TBC1D9: variants seen among roughly 807,000 people sequenced by gnomAD.
The protein encoded by TBC1D9 is TBC1 domain family member 9A.
TBC1D9 carries 63 observed loss-of-function variants against 132.0 expected under a neutral mutation model. The observed-to-expected ratio is 0.48, with a 90% CI of 0.39 to 0.59. TBC1D9 has a LOEUF of 0.59. Ranked by LOEUF, TBC1D9 falls within the 20% of genes least tolerant of loss-of-function variation. The probability of loss-of-function intolerance (pLI) is 0.00; values close to 1 mark genes in which losing one functional copy is unlikely to be tolerated. For synonymous variants in TBC1D9, 610 were observed against 609.9 expected (o/e 1.00, Z 0.00); for missense variants, 1,261 against 1,592.7 (o/e 0.79, Z 3.54).
intron 1 of TBC1D9, among the ~76,000 whole-genome samples, chr4:140,737,849 T>C (rs1373969478): frequency 1.3e-5 from 2 of 152,196 alleles, no homozygotes; most frequent in Non-Finnish European, 2.9e-5. Flanking sequence ...CACAATCTAA[T>C]TTAAGAAGCT....
Position 140,669,065 on chromosome 4 carries a change from G to T in TBC1D9, c.1440C>A (p.Ala480=). The T allele has an allele frequency of 6.2e-7, 1 of 1,613,850 alleles. No individual in the cohort carries two copies. Among genetic ancestry groups the T allele is most frequent in the Non-Finnish European group, 8.5e-7 (1 of 1,179,792 alleles). The change falls in exon 9 of 21, where the codon GCC becomes GCA. Residue 480 remains alanine, a splice_region_variant and synonymous_variant. Coordinates refer to ENST00000442267, the MANE Select transcript of TBC1D9 (RefSeq NM_015130.3). ...AGGCTTGCTCTTTCAGAAACTCTTT[G>T]GCCTGAAAGGGATAATGAAACATTA... is the stretch of plus-strand genomic sequence containing the variant. ...RSPEEFNPKL[A]KEFLKEQAWK... is the part of the protein sequence containing the mutation.
chr4:140,677,804 C>T (rs1737648401), intron 5 of TBC1D9, among the ~76,000 whole-genome samples: 1 of 152,152 alleles, frequency 6.6e-6, no homozygotes, highest in Non-Finnish European at 1.5e-5. Context: ...CCTCCATCCT[C>T]ACCTACTCTT....
chr4:140,700,172 A>T (rs1046316546), intron 2 of TBC1D9, among the ~76,000 whole-genome samples: 2 of 152,028 alleles, frequency 1.3e-5, no homozygotes, highest in African/African-American at 4.8e-5. Context: ...ATAAAAGTCC[A>T]GGCGCAGTGG....
Position 140,696,455 on chromosome 4 carries a change from CAAAAAAAAAAAAAAAAAA to C in TBC1D9, c.241+5031_241+5048del, listed in dbSNP as rs35713619. Among the ~76,000 whole-genome samples, 4 of 61,594 alleles carry C rather than the reference CAAAAAAAAAAAAAAAAAA, an allele frequency of 6.5e-5. No homozygotes were observed. In the South Asian group the frequency reaches 4.5e-3, roughly 69 times the overall value. 40.4% of individuals were successfully genotyped at this position (61,594 alleles called of 152,430 possible). A position where few individuals can be genotyped will look rare whatever the true frequency, so the allele number is the denominator to read the frequency against. On this transcript the variant is annotated intron_variant, in intron 2 of 20. Coordinates refer to ENST00000442267, the MANE Select transcript of TBC1D9 (RefSeq NM_015130.3). ...CTGGAGACAGAGCAAGAGTCCGTCT[CAAAAAAAAAAAAAAAAAA>C]AAAAAAAAGATAAAAAGAGGCATAT...
chr4:140,628,351 C>T lies in TBC1D9; in HGVS notation c.2761G>A (p.Gly921Arg). ...FVSGLSAACHGDLTEKLKLLY... is the reference protein window; with the variant it reads ...FVSGLSAACHRDLTEKLKLLY... The stretch of plus-strand genomic sequence containing the variant: ...AGTTTGAGCTTCTCTGTGAGGTCCC[C>T]ATGGCATGCAGCACCTAGAAGTCAC... Residue 921 changes from glycine (G) to arginine (R), a missense_variant, in exon 17 of 21, where the codon GGG becomes AGG. Around this residue, in one of 3 missense-constraint regions of TBC1D9, gnomAD observed 618 missense variants for 724.4 expected, o/e 0.85. Transcript: ENST00000442267. The T allele has an allele frequency of 1.5e-5, 25 of 1,613,882 alleles. No homozygotes were observed. Among genetic ancestry groups the T allele is most frequent in the Non-Finnish European group, 2.1e-5 (25 of 1,179,778 alleles).
intron 13 of TBC1D9, among the ~76,000 whole-genome samples, chr4:140,648,649 G>T (rs1296730675): frequency 6.6e-6 from 1 of 152,134 alleles, no homozygotes; most frequent in Non-Finnish European, 1.5e-5. Flanking sequence ...GCCTCCCAAA[G>T]TACTGAGATT....
At position 140,624,089 on chromosome 4, in the gene TBC1D9, C is replaced by T. The variant is rs147385569; in HGVS notation, c.3078+27G>A. On this transcript the variant is annotated intron_variant, in intron 20 of 20. Coordinates refer to ENST00000442267, the MANE Select transcript of TBC1D9 (RefSeq NM_015130.3). The stretch of plus-strand genomic sequence containing the variant: ...GAAAAAAGAGTGTCCAGGTTTGAAG[C>T]GAATGATTTGAACTTTAAGCACTTA... The T allele has an allele frequency of 1.0e-4, 157 of 1,547,598 alleles. No homozygotes were observed. The Middle Eastern group carries it at 4.5e-3, about 44-fold the overall frequency.
intron 9 of TBC1D9, among the ~76,000 whole-genome samples, chr4:140,664,270 C>T (rs1004864849): frequency 2.7e-5 from 4 of 150,480 alleles, no homozygotes; most frequent in African/African-American, 5.0e-5. Flanking sequence ...TAAAATATTT[C>T]GGAATAAATA....
intron 2 of TBC1D9, 149 bp downstream of exon 2, chr4:140,701,355 T>C (rs1738065875): frequency 6.3e-6 from 4 of 630,094 alleles, no homozygotes; most frequent in Middle Eastern, 3.2e-4. Flanking sequence ...ACTGAGACTT[T>C]GGGTTCATGT....
At chr4:140,668,875 C>G in intron 9 of TBC1D9, 42 bp downstream of exon 9, 1 of 1,606,814 alleles carries the variant, frequency 6.2e-7, no homozygotes. Context: ...GTGTGGAGTC[C>G]CACAGACTTT....
chr4:140,705,089 A>T (rs1738130145), intron 1 of TBC1D9, among the ~76,000 whole-genome samples: 1 of 152,200 alleles, frequency 6.6e-6, no homozygotes. Context: ...TCCAAACAGA[A>T]AGTAATATTG....
chr4:140,660,510 T>C (rs1737340237), intron 10 of TBC1D9, among the ~76,000 whole-genome samples: 1 of 152,272 alleles, frequency 6.6e-6, no homozygotes, highest in African/African-American at 2.4e-5. Context: ...TTACTCATTA[T>C]GTTCCCAAGT....
chr4:140,646,422 A>G (rs575100704), intron 13 of TBC1D9, among the ~76,000 whole-genome samples: 2 of 152,320 alleles, frequency 1.3e-5, no homozygotes, highest in African/African-American at 4.8e-5. Flanking sequence ...AGCATAGGAA[A>G]TACAGGATGC....
rs147301407 is a variant in TBC1D9, at chr4:140,741,524, C to T, written c.130+14392G>A. Among the ~76,000 whole-genome samples the T allele has an allele frequency of 1.1e-4, 17 of 152,214 alleles. No homozygotes were observed. The East Asian group carries it at 3.3e-3, about 29-fold the overall frequency. On this transcript the variant is annotated intron_variant, in intron 1 of 20. Coordinates refer to ENST00000442267, the MANE Select transcript of TBC1D9 (RefSeq NM_015130.3). ...TTGAGCTCAGGAATTCAAGACCAGA[C>T]TGGGCAATGTGGTGAAACCCTGTCT... is the stretch of plus-strand genomic sequence containing the variant.
chr4:140,752,760 C>T (rs1738945357), intron 1 of TBC1D9, among the ~76,000 whole-genome samples: 1 of 152,128 alleles, frequency 6.6e-6, no homozygotes, highest in South Asian at 2.1e-4. Flanking sequence ...CCTAGAATAT[C>T]TTAATTTTTA....
At chr4:140,701,100 T>C (rs565917309) in intron 2 of TBC1D9, among the ~76,000 whole-genome samples, 7 of 152,360 alleles carry the variant, frequency 4.6e-5, no homozygotes, top group African/African-American at 1.7e-4. Flanking sequence ...CCCAGCTTCC[T>C]CTGCAGTGAG....
In TBC1D9 at chr4:140,642,881, T is replaced by C. The variant is rs916008170; in HGVS notation, c.2338-3453A>G. Reference sequence around the variant, plus strand: ...GTTTCCACGGCCTGCGTGCCAAGCTTCCATGGGACTCCTCGTGCCTGTCCT... The same window carrying C: ...GTTTCCACGGCCTGCGTGCCAAGCTCCCATGGGACTCCTCGTGCCTGTCCT... On this transcript the variant is annotated intron_variant, in intron 13 of 20. Coordinates refer to ENST00000442267, the MANE Select transcript of TBC1D9 (RefSeq NM_015130.3). The C allele has an allele frequency of 4.5e-5, 26 of 577,276 alleles. No homozygotes were observed. The South Asian group carries it at 6.0e-4, about 13-fold the overall frequency. The allele number at this position is 577,276 out of a possible 1,614,324, so 35.8% of individuals were successfully genotyped here.
At chr4:140,660,145 G>A (rs1737335123) in intron 10 of TBC1D9, among the ~76,000 whole-genome samples, 1 of 152,206 alleles carries the variant, frequency 6.6e-6, no homozygotes, top group South Asian at 2.1e-4. Flanking sequence ...GGTACACATG[G>A]CTCCAGGCTC....
chr4:140,712,242 T>A (rs1474286294), intron 1 of TBC1D9: 5 of 148,366 alleles, frequency 3.4e-5, no homozygotes, highest in Admixed American at 7.3e-5. Context: ...TGAAGTTCAT[T>A]TTTTCCCTCT....
Sources: allele counts gnomAD v4.1 joint callset (sites outside exome capture counted in the v4.1 genomes callset), GRCh38; gene constraint gnomAD v4.1.1; regional missense constraint gnomAD v4.1.1; transcripts MANE v1.5; gene names NCBI Gene and HGNC (gene_info 2026-07-23, HGNC 2026-07-21).